Variants in ERBIN observed in about 807,000 individuals in gnomAD.
ERBIN encodes the protein erbb2 interacting protein, also known as densin-180-like protein.
A neutral mutation model predicts 158.4 loss-of-function variants in ERBIN; 60 were observed. That is an observed-to-expected ratio of 0.38 (90% CI 0.31 to 0.47). The LOEUF (loss-of-function observed/expected upper bound fraction) is 0.47. Ranked by LOEUF, ERBIN falls within the 20% of genes least tolerant of loss-of-function variation. The pLI, the probability that ERBIN is intolerant of heterozygous loss-of-function variation, is 0.99. For missense variants in ERBIN, 1,610 were observed against 1,648.0 expected (o/e 0.98, Z 0.40); for synonymous variants, 594 against 557.2 (o/e 1.07, Z -0.93).
chr5:66,051,033 T>A, intron 20 of ERBIN, 67 bp downstream of exon 20: 1 of 979,028 alleles, frequency 1.0e-6, no homozygotes, highest in Non-Finnish European at 1.5e-6. Context: ...AGATAACAAA[T>A]ACATAAATAT....
intron 18 of ERBIN, among the ~76,000 whole-genome samples, chr5:66,048,120 G>A (rs867075207): frequency 2.6e-5 from 4 of 151,540 alleles, no homozygotes; most frequent in Middle Eastern, 3.2e-3. Context: ...ATGGCATTTG[G>A]AACATATGGA....
At position 66,053,393 on chromosome 5, in the gene ERBIN, A is replaced by G. The variant is rs1759242303; in HGVS notation, c.2088-13A>G. ...GCTTTATTATGTTTTTCATAAAATT[A>G]TCTTTATTTTAGGCAAGAAGATGAA... On this transcript the variant is annotated splice_polypyrimidine_tract_variant and intron_variant, in intron 20 of 25. Transcript: ENST00000284037. 2 of 1,398,908 alleles carry G rather than the reference A, an allele frequency of 1.4e-6. No homozygotes were observed. Among genetic ancestry groups the G allele is most frequent in the South Asian group, 1.9e-5 (1 of 53,872 alleles). The allele number at this position is 1,398,908 out of a possible 1,614,324, so 86.7% of individuals were successfully genotyped here. A position where few individuals can be genotyped will look rare whatever the true frequency, so the allele number is the denominator to read the frequency against.
intron 17 of ERBIN, among the ~76,000 whole-genome samples, chr5:66,045,683 A>G (rs960057967): frequency 2.6e-5 from 4 of 152,274 alleles, no homozygotes; most frequent in African/African-American, 7.2e-5. Flanking sequence ...GAAGTCCATA[A>G]TTACTATCAT....
chr5:66,064,131 A>G (rs539042512), intron 21 of ERBIN, among the ~76,000 whole-genome samples: 1 of 152,364 alleles, frequency 6.6e-6, no homozygotes, highest in East Asian at 1.9e-4. Context: ...TGATAAATGC[A>G]ATAGTAATCA....
At chr5:66,045,700 T>C (rs1283524312) in intron 17 of ERBIN, among the ~76,000 whole-genome samples, 2 of 152,202 alleles carry the variant, frequency 1.3e-5, no homozygotes, top group Non-Finnish European at 2.9e-5. Context: ...TCATTACCAC[T>C]CTGGCTATAG....
At chr5:65,948,255 G>A (rs1366770208) in intron 1 of ERBIN, among the ~76,000 whole-genome samples, 2 of 151,884 alleles carry the variant, frequency 1.3e-5, no homozygotes, top group East Asian at 1.9e-4. Context: ...GATCACTGCA[G>A]CCTGGGCATC....
Position 66,028,305 on chromosome 5 carries a change from C to G in ERBIN, c.1168C>G (p.Leu390Val), listed in dbSNP as rs1366698581. Residue 390 changes from leucine (L) to valine (V), a missense_variant, in exon 14 of 26, where the codon CTA (leucine) becomes GTA (valine). Around this residue, in one of 2 missense-constraint regions of ERBIN, gnomAD observed 596 missense variants for 711.9 expected, o/e 0.84. Transcript: ENST00000284037. ...LKNLPFSFTKLQQLTAMWLSD... is the reference protein window; with the variant it reads ...LKNLPFSFTKVQQLTAMWLSD... ...GAATTTACCCTTTAGCTTTACAAAGCTACAGCAATTGACAGCTATGTGGCT... is the reference window on the plus strand; with the variant it reads ...GAATTTACCCTTTAGCTTTACAAAGGTACAGCAATTGACAGCTATGTGGCT... The G allele has an allele frequency of 6.2e-7, 1 of 1,612,444 alleles. No homozygotes were observed. Among genetic ancestry groups the G allele is most frequent in the South Asian group, 1.1e-5 (1 of 90,874 alleles).
intron 1 of ERBIN, among the ~76,000 whole-genome samples, chr5:65,935,550 T>C (rs1441532914): frequency 6.6e-6 from 1 of 152,222 alleles, no homozygotes; most frequent in Admixed American, 6.5e-5. Flanking sequence ...AAGTTTTAAT[T>C]CCGTGATAAA....
chr5:66,028,991 T>C (rs899112339), intron 14 of ERBIN, among the ~76,000 whole-genome samples: 2 of 152,230 alleles, frequency 1.3e-5, no homozygotes, highest in Non-Finnish European at 1.5e-5. Flanking sequence ...TTTTTAAGGC[T>C]GAATAGTATT....
chr5:65,951,168 G>A (rs1746462369), intron 1 of ERBIN, among the ~76,000 whole-genome samples: 1 of 152,292 alleles, frequency 6.6e-6, no homozygotes, highest in East Asian at 1.9e-4. Context: ...AAATTGGTAT[G>A]ATGAGGGGAT....
At chr5:66,007,686 G>GC (rs1006822667) in intron 4 of ERBIN, among the ~76,000 whole-genome samples, 4 of 152,194 alleles carry the variant, frequency 2.6e-5, no homozygotes, top group African/African-American at 9.6e-5. Context: ...TTTCCTTATT[G>GC]CATTTTAGCT....
rs772523402 is a variant in ERBIN at position 66,053,957 on chromosome 5, G to A, written c.2639G>A (p.Gly880Glu). 8 of 1,614,048 alleles carry A rather than the reference G, an allele frequency of 5.0e-6. No homozygotes were observed. Among genetic ancestry groups the A allele is most frequent in the East Asian group, 2.2e-5 (1 of 44,874 alleles). The stretch of plus-strand genomic sequence containing the variant: ...AGCATAACTAATATGGAGATTGGAG[G>A]GCTAAAAATCTATGATATTCTTAGT... The part of the protein sequence containing the change: ...SHSITNMEIG[G>E]LKIYDILSDN... The change falls in exon 21 of 26, where the codon GGG becomes GAG. Residue 880 changes from glycine (G) to glutamate (E), a missense_variant. Gly to Glu is a moderately conservative substitution (Grantham distance 98). Around this residue, in one of 2 missense-constraint regions of ERBIN, gnomAD observed 1,014 missense variants for 936.1 expected, o/e 1.08. Transcript: ENST00000284037.
At chr5:65,982,653 T>A (rs251610) in intron 1 of ERBIN, among the ~76,000 whole-genome samples, 87 of 151,168 alleles carry the variant, frequency 5.8e-4, no homozygotes, top group African/African-American at 2.1e-3. Context: ...AACCAGATAC[T>A]GCAATTACAT....
intron 19 of ERBIN, 30 bp from the exon 20 acceptor site, chr5:66,050,753 A>G (rs1224959370): frequency 5.0e-6 from 7 of 1,399,660 alleles, no homozygotes; most frequent in Non-Finnish European, 5.8e-6. Context: ...TGGGGAATTT[A>G]TCATTAATCT....
intron 4 of ERBIN, among the ~76,000 whole-genome samples, chr5:66,000,342 C>T (rs551157123): frequency 2.5e-4 from 38 of 152,226 alleles, no homozygotes; most frequent in Middle Eastern, 3.4e-3. Context: ...AACCCTACAG[C>T]ATCATTAAAT....
At chr5:65,974,407 G>A (rs1409815690) in intron 1 of ERBIN, among the ~76,000 whole-genome samples, 1 of 152,252 alleles carries the variant, frequency 6.6e-6, no homozygotes, top group African/African-American at 2.4e-5. Flanking sequence ...AATGCCTATA[G>A]AGGCAGTGCT....
chr5:65,997,640 T>C, intron 4 of ERBIN, among the ~76,000 whole-genome samples: 1 of 152,164 alleles, frequency 6.6e-6, no homozygotes, highest in Admixed American at 6.5e-5. Context: ...AAACGCTAAA[T>C]ACTGTCATGT....
intron 1 of ERBIN, among the ~76,000 whole-genome samples, chr5:65,951,582 G>C (rs1746507037): frequency 6.6e-6 from 1 of 152,136 alleles, no homozygotes; most frequent in African/African-American, 2.4e-5. Context: ...TTTTAGAGCA[G>C]TGTTTCCTAA....
intron 4 of ERBIN, among the ~76,000 whole-genome samples, chr5:66,003,714 ACTGAGGCCTCCAT>A (rs1387564122): frequency 9.9e-5 from 15 of 152,142 alleles, no homozygotes; most frequent in Non-Finnish European, 1.5e-5. Flanking sequence ...GCAGGAGAAC[ACTGAGGCCTCCAT>A]CTGAATGCCA....
Sources: gnomAD v4.1 joint callset for allele counts (sites outside exome capture counted in the v4.1 genomes callset) on GRCh38, gnomAD v4.1.1 for gene constraint, gnomAD v4.1.1 regional missense constraint, MANE v1.5 for transcripts, NCBI Gene and HGNC (gene_info 2026-07-23, HGNC 2026-07-21) for gene names.